KCNK17: variants seen among roughly 807,000 people sequenced by gnomAD.
KCNK17 encodes potassium two pore domain channel subfamily K member 17, also known as potassium channel subfamily K member 17.
In KCNK17, 27 loss-of-function variants were observed where a neutral mutation model predicts 24.6. That is an observed-to-expected ratio of 1.10 (90% CI 0.81 to 1.51). KCNK17 has a LOEUF of 1.51. Ranked by LOEUF, KCNK17 falls within the 40% of genes most tolerant of loss-of-function variation. The probability of loss-of-function intolerance (pLI) is 0.00; values close to 1 mark genes in which losing one functional copy is unlikely to be tolerated. For missense variants in KCNK17, 450 were observed against 436.6 expected (o/e 1.03, Z -0.27); for synonymous variants, 181 against 189.8 (o/e 0.95, Z 0.38).
At chr6:39,314,049 C>T in intron 1 of KCNK17, 35 bp downstream of exon 1, 6 of 1,500,358 alleles carry the variant, frequency 4.0e-6, no homozygotes, top group Non-Finnish European at 5.4e-6. Context: ...CTACCCCATC[C>T]CGCCGCGCCC....
intron 1 of KCNK17, among the ~76,000 whole-genome samples, chr6:39,313,808 C>T (rs1006313992): frequency 1.3e-5 from 2 of 152,144 alleles, no homozygotes; most frequent in South Asian, 2.1e-4. Context: ...GCCTCCTCAC[C>T]GGGCCAGCAT....
At position 39,304,531 on chromosome 6, in the gene KCNK17, T is replaced by A. The variant is rs763562942; in HGVS notation, c.477A>T (p.Val159=). 6.2e-7 allele frequency: 1 copy of A among 1,614,062 alleles called. No homozygotes were observed. The highest frequency in any genetic ancestry group is 1.7e-5 in the Admixed American group (1 of 60,018). Residue 159 remains valine (V), a synonymous_variant, in exon 3 of 5, where the codon GTA becomes GTT. Coordinates refer to ENST00000373231, the MANE Select transcript of KCNK17 (RefSeq NM_031460.4). The part of the protein sequence containing the change: ...NRLGHLMQQG[V]NHWASRLGGT... The stretch of plus-strand genomic sequence containing the variant: ...CCCCCAGCCTGCTGGCCCAGTGGTT[T>A]ACTCCCTGCTGCATGAGATGCCCCA...
chr6:39,303,833 G>T, intron 4 of KCNK17, 124 bp downstream of exon 4: 1 of 1,102,548 alleles, frequency 9.1e-7, no homozygotes, highest in Non-Finnish European at 1.3e-6. Context: ...CAGTGTCTCC[G>T]GATTTTGGGC....
chr6:39,313,119 G>T (rs1450027949), intron 1 of KCNK17, among the ~76,000 whole-genome samples: 1 of 152,170 alleles, frequency 6.6e-6, no homozygotes, highest in Non-Finnish European at 1.5e-5. Context: ...TTGGACGAAG[G>T]GGTGGGGAAC....
chr6:39,299,574 G>A lies in KCNK17; in HGVS notation c.852C>T (p.Asp284=), dbSNP rs753485999. 1.2e-6 allele frequency: 2 copies of A among 1,614,200 alleles called. No homozygotes were observed. Among genetic ancestry groups the A allele is most frequent in the Middle Eastern group, 1.6e-4 (1 of 6,062 alleles). ...CSCCHHSSKE[D]FKSQSWRQGP... ...CCTGTCTCCAGCTTTGGGACTTGAA[G>A]TCTTCCTTAGAGCTGTGGTGGCAGC... The change falls in exon 5 of 5, where the codon GAC becomes GAT. Residue 284 remains aspartate (D), a synonymous_variant. Coordinates refer to ENST00000373231, the MANE Select transcript of KCNK17 (RefSeq NM_031460.4).
In KCNK17 at chr6:39,314,016, C is replaced by T. The variant is rs28422024; in HGVS notation, c.237+68G>A. The T allele has an allele frequency of 5.1e-3, 6,408 of 1,260,718 alleles. 144 individuals are homozygous for T. The African/African-American group carries it at 0.059, about 12-fold the overall frequency. The allele number at this position is 1,260,718 out of a possible 1,614,324, so 78.1% of individuals were successfully genotyped here. The stretch of plus-strand genomic sequence containing the variant: ...GGGCCTGAATAGGCCCCCTCGCCCT[C>T]GGCCCGTACACCCCGCGGCCCGCTA... On this transcript the variant is annotated intron_variant, in intron 1 of 4. Transcript: ENST00000373231.
rs72855550 is a variant in KCNK17, at chr6:39,311,018, G to T, written c.238-11C>A. 3.8e-6 allele frequency: 6 copies of T among 1,570,252 alleles called. No homozygotes were observed. Among genetic ancestry groups the T allele is most frequent in the Non-Finnish European group, 5.2e-6 (6 of 1,146,204 alleles). ...TGCTTGGACGACATCCTGGGGAAGA[G>T]GCTGCAATGACCACCAGGCTCTGTG... On this transcript the variant is annotated splice_polypyrimidine_tract_variant and intron_variant, in intron 1 of 4. Transcript: ENST00000373231.
intron 4 of KCNK17, chr6:39,300,296 G>A: frequency 1.6e-6 from 1 of 612,418 alleles, no homozygotes. Flanking sequence ...CTATTTTTTT[G>A]TATTTTAGTA....
chr6:39,312,436 T>C (rs1158138222), intron 1 of KCNK17, among the ~76,000 whole-genome samples: 6 of 152,156 alleles, frequency 3.9e-5, no homozygotes, highest in Non-Finnish European at 1.5e-5. Context: ...GCTGGGAATC[T>C]TGGGAAGCAC....
In KCNK17 at chr6:39,304,669, G is replaced by C. The variant is rs1263263086; in HGVS notation, c.353-14C>G. The C allele has an allele frequency of 2.5e-6, 4 of 1,603,128 alleles. 1 individual carries two copies. The South Asian group carries it at 3.3e-5, about 13-fold the overall frequency. ...GGTTGCCATAGCCTGAGGTGAGAGG[G>C]GGCACTCAGGGGACATTTCCAGCCC... On this transcript the variant is annotated splice_polypyrimidine_tract_variant and intron_variant, in intron 2 of 4. Coordinates refer to ENST00000373231, the MANE Select transcript of KCNK17 (RefSeq NM_031460.4).
chr6:39,305,497 G>C (rs898890548), intron 2 of KCNK17, among the ~76,000 whole-genome samples: 4 of 117,618 alleles, frequency 3.4e-5, no homozygotes, highest in South Asian at 2.8e-4. Context: ...GTAGAAGTTG[G>C]GGGGGTGGTC....
chr6:39,310,176 C>T (rs774497621), intron 2 of KCNK17, among the ~76,000 whole-genome samples: 6 of 152,036 alleles, frequency 3.9e-5, no homozygotes, highest in African/African-American at 9.7e-5. Context: ...CTGGGTGGCT[C>T]GACTTGCATG....
At chr6:39,300,553 G>T in intron 4 of KCNK17, 4 of 1,548,334 alleles carry the variant, frequency 2.6e-6, no homozygotes, top group Non-Finnish European at 3.5e-6. Context: ...GATGAACAAT[G>T]GAACCATAAG....
chr6:39,305,605 C>G (rs556551987), intron 2 of KCNK17, among the ~76,000 whole-genome samples: 7 of 152,314 alleles, frequency 4.6e-5, no homozygotes, highest in African/African-American at 1.7e-4. Flanking sequence ...CCAGCTCTGC[C>G]TCCACCCTTC....
At chr6:39,300,517 C>G in intron 4 of KCNK17, 1 of 1,551,158 alleles carries the variant, frequency 6.4e-7, no homozygotes, top group Non-Finnish European at 8.7e-7. Context: ...TGAAATGAGG[C>G]AGCTTGCTGG....
Position 39,299,700 on chromosome 6 carries a change from C to G in KCNK17, c.726G>C (p.Lys242Asn). ...NPSQRYPLWYKNMVSLWILFG... is the reference protein window; with the variant it reads ...NPSQRYPLWYNNMVSLWILFG... ...AGAGGATCCACAGGGACACCATGTTCTTGTACCACAGTGGGTACCTCTGGG... is the reference window on the plus strand; with the variant it reads ...AGAGGATCCACAGGGACACCATGTTGTTGTACCACAGTGGGTACCTCTGGG... The change falls in exon 5 of 5, where the codon AAG becomes AAC. Residue 242 changes from lysine (K) to asparagine (N), a missense_variant. By Grantham distance (94) the Lys-to-Asn change is moderately conservative. Transcript: ENST00000373231. 6.2e-7 allele frequency: 1 copy of G among 1,614,144 alleles called. No individual in the cohort carries two copies. Among genetic ancestry groups the G allele is most frequent in the Non-Finnish European group, 8.5e-7 (1 of 1,180,010 alleles).
chr6:39,313,737 C>T (rs1357459575), intron 1 of KCNK17, among the ~76,000 whole-genome samples: 2 of 151,808 alleles, frequency 1.3e-5, no homozygotes, highest in Admixed American at 1.3e-4. Flanking sequence ...GGGCCGGTTA[C>T]GCGCGCGCCC....
intron 3 of KCNK17, 96 bp downstream of exon 3, chr6:39,304,399 C>CT: frequency 1.7e-6 from 2 of 1,154,640 alleles, no homozygotes; most frequent in Non-Finnish European, 2.5e-6. Flanking sequence ...ACCAGTAACA[C>CT]TTGCTCCCAC....
chr6:39,306,295 T>C (rs542766564), intron 2 of KCNK17, among the ~76,000 whole-genome samples: 58 of 152,296 alleles, frequency 3.8e-4, no homozygotes, highest in Middle Eastern at 3.4e-3. Context: ...CTGCCCGCCT[T>C]GGCCTACCAA....
Sources: gnomAD v4.1 joint callset for allele counts (sites outside exome capture counted in the v4.1 genomes callset) on GRCh38, gnomAD v4.1.1 for gene constraint, MANE v1.5 for transcripts, NCBI Gene and HGNC (gene_info 2026-07-23, HGNC 2026-07-21) for gene names.